The following RGS8 variants were observed in gnomAD, a reference collection of about 807,000 sequenced individuals.
RGS8 encodes the protein regulator of G protein signaling 8, also known as regulator of G-protein signaling 8.
A neutral mutation model predicts 21.7 loss-of-function variants in RGS8; 8 were observed. The ratio of observed to expected loss-of-function variants is 0.37; its 90% CI spans 0.22 to 0.66. RGS8 has a LOEUF of 0.66. Among genes scored for constraint, RGS8 ranks in the 30% least tolerant of loss-of-function variants. RGS8 has a pLI of 0.59. For missense variants in RGS8, 157 were observed against 217.9 expected (o/e 0.72, Z 1.76); for synonymous variants, 80 against 83.6 (o/e 0.96, Z 0.24).
the RGS8 span, among the ~76,000 whole-genome samples, chr1:182,699,412 G>A: frequency 6.6e-6 from 1 of 152,340 alleles, no homozygotes; most frequent in South Asian, 2.1e-4. Flanking sequence ...CTTCCCAGGA[G>A]CAAAGATTAG....
chr1:182,676,462 A>C (rs1394713301), upstream of RGS8, among the ~76,000 whole-genome samples: 1 of 152,196 alleles, frequency 6.6e-6, no homozygotes, highest in Non-Finnish European at 1.5e-5. Flanking sequence ...AACATGAATC[A>C]ACATATGCTG....
intron 5 of RGS8, among the ~76,000 whole-genome samples, chr1:182,650,821 G>A (rs553353931): frequency 1.3e-5 from 2 of 152,156 alleles, no homozygotes; most frequent in East Asian, 3.8e-4. Flanking sequence ...TGAGAGTGAA[G>A]GCTGCATTAC....
At chr1:182,646,459 C>T (rs1227247605) in exon 7 of RGS8, 3 of 396,810 alleles carry the variant, frequency 7.6e-6, no homozygotes, top group Non-Finnish European at 1.4e-5. Context: ...AGAGGTGACC[C>T]AAGGCATTAT....
the RGS8 span, among the ~76,000 whole-genome samples, chr1:182,704,201 A>G: frequency 1.3e-5 from 2 of 152,236 alleles, no homozygotes; most frequent in African/African-American, 4.8e-5. Flanking sequence ...ACTTGTATAA[A>G]ATACAATTTT....
At chr1:182,740,487 G>A in the RGS8 span, among the ~76,000 whole-genome samples, 1,202 of 150,834 alleles carry the variant, frequency 8.0e-3, 15 homozygotes, top group African/African-American at 0.028. Context: ...TCTATTAAGA[G>A]CAGGGTCAGA....
the RGS8 span, among the ~76,000 whole-genome samples, chr1:182,739,677 T>C: frequency 6.6e-6 from 1 of 152,172 alleles, no homozygotes; most frequent in African/African-American, 2.4e-5. Flanking sequence ...TTTGTGTATG[T>C]AGACAGTGCT....
At chr1:182,646,647 G>A (rs1338953767) in exon 7 of RGS8, 1 of 1,196,258 alleles carries the variant, frequency 8.4e-7, no homozygotes, top group African/African-American at 1.5e-5. Context: ...CACCGCTTTT[G>A]AACACCTATG....
the RGS8 span, among the ~76,000 whole-genome samples, chr1:182,713,073 C>G: frequency 1.3e-5 from 2 of 152,194 alleles, no homozygotes; most frequent in Non-Finnish European, 2.9e-5. Flanking sequence ...CCAAATTGAG[C>G]CATGGCGACC....
chr1:182,676,966 A>C (rs954684714), upstream of RGS8, among the ~76,000 whole-genome samples: 1 of 152,240 alleles, frequency 6.6e-6, no homozygotes, highest in Non-Finnish European at 1.5e-5. Flanking sequence ...TATGGGGGAA[A>C]TGCCCTGTAA....
At chr1:182,740,544 GTTTGT>G in the RGS8 span, among the ~76,000 whole-genome samples, 9,070 of 101,856 alleles carry the variant, frequency 0.089, 267 homozygotes, top group Non-Finnish European at 0.12. Context: ...TTTTTTGTTT[GTTTGT>G]TTTTTTTTTT....
At chr1:182,677,865 A>G (rs1004052420), upstream of RGS8, among the ~76,000 whole-genome samples, 1 of 152,248 alleles carries the variant, frequency 6.6e-6, no homozygotes. Context: ...GCAACAGCAA[A>G]GGAAATGAAA....
intron 3 of RGS8, among the ~76,000 whole-genome samples, 181 bp from the exon 5 acceptor site, chr1:182,667,154 A>T (rs1210734700): frequency 6.6e-6 from 1 of 152,188 alleles, no homozygotes; most frequent in Non-Finnish European, 1.5e-5. Context: ...CTACCTGAAT[A>T]GGTACCCTAA....
chr1:182,651,070 T>C (rs376042453), intron 5 of RGS8, among the ~76,000 whole-genome samples: 158 of 152,294 alleles, frequency 1.0e-3, no homozygotes, highest in African/African-American at 3.4e-3. Context: ...CATTCCTACA[T>C]TGGATTCAAA....
At chr1:182,677,050 G>A (rs757755407), upstream of RGS8, among the ~76,000 whole-genome samples, 3 of 152,072 alleles carry the variant, frequency 2.0e-5, no homozygotes, top group South Asian at 4.1e-4. Flanking sequence ...TTTTGCCAGT[G>A]AGCAAGGAGA....
At chr1:182,726,184 CAAA>C in the RGS8 span, among the ~76,000 whole-genome samples, 1 of 115,110 alleles carries the variant, frequency 8.7e-6, no homozygotes. Context: ...ATGCTAATCT[CAAA>C]AAAAAAAAAA....
At chr1:182,725,928 C>T in the RGS8 span, among the ~76,000 whole-genome samples, 5 of 152,174 alleles carry the variant, frequency 3.3e-5, no homozygotes, top group Non-Finnish European at 7.3e-5. Flanking sequence ...CATTTGCACA[C>T]ATTTTAAAGG....
At chr1:182,663,351 C>T (rs1663695352) in intron 5 of RGS8, among the ~76,000 whole-genome samples, 1 of 152,172 alleles carries the variant, frequency 6.6e-6, no homozygotes, top group South Asian at 2.1e-4. Flanking sequence ...GAAATTCTAC[C>T]AGTGACTCCT....
chr1:182,676,963 G>A (rs1009450128), upstream of RGS8, among the ~76,000 whole-genome samples: 1 of 152,158 alleles, frequency 6.6e-6, no homozygotes, highest in Non-Finnish European at 1.5e-5. Context: ...GTCTATGGGG[G>A]AAATGCCCTG....
At chr1:182,727,945 A>G in the RGS8 span, among the ~76,000 whole-genome samples, 1 of 152,358 alleles carries the variant, frequency 6.6e-6, no homozygotes, top group East Asian at 1.9e-4. Context: ...AATAAAACAC[A>G]CAAAGGGATT....
Sources: gnomAD v4.1 joint callset for allele counts (sites outside exome capture counted in the v4.1 genomes callset) on GRCh38, gnomAD v4.1.1 for gene constraint, MANE v1.5 for transcripts, NCBI Gene and HGNC (gene_info 2026-07-23, HGNC 2026-07-21) for gene names.